Variants in PDLIM5 observed in about 807,000 individuals in gnomAD.
PDLIM5 encodes PDZ and LIM domain 5.
PDLIM5 carries 34 observed loss-of-function variants against 64.2 expected under a neutral mutation model. The ratio of observed to expected loss-of-function variants is 0.53; its 90% CI spans 0.40 to 0.71. The LOEUF (loss-of-function observed/expected upper bound fraction) is 0.71, where lower values mean the gene tolerates loss of function less well. PDLIM5 is among the 30% of genes least tolerant of loss of function. PDLIM5 has a pLI of 0.00. For synonymous variants in PDLIM5, 253 were observed against 269.1 expected (o/e 0.94, Z 0.59); for missense variants, 683 against 733.6 (o/e 0.93, Z 0.80).
At chr4:94,487,004 T>C (rs575284414) in intron 2 of PDLIM5, among the ~76,000 whole-genome samples, 2 of 152,206 alleles carry the variant, frequency 1.3e-5, no homozygotes, top group East Asian at 3.9e-4. Flanking sequence ...CCCTGTCTCT[T>C]AAAAAATTAA....
At chr4:94,565,116 G>A (rs1339084412) in intron 3 of PDLIM5, among the ~76,000 whole-genome samples, 1 of 152,160 alleles carries the variant, frequency 6.6e-6, no homozygotes, top group African/African-American at 2.4e-5. Context: ...AAGTGATGCT[G>A]GGTAAAATAA....
chr4:94,600,648 G>C (rs1205226072), intron 7 of PDLIM5, among the ~76,000 whole-genome samples: 1 of 152,072 alleles, frequency 6.6e-6, no homozygotes, highest in African/African-American at 2.4e-5. Context: ...TTTCTAACTA[G>C]TATAAATCTC....
chr4:94,620,896 T>C (rs60223269), intron 8 of PDLIM5, among the ~76,000 whole-genome samples: 8,110 of 151,468 alleles, frequency 0.054, 736 homozygotes, highest in African/African-American at 0.18. Context: ...GGTAAAACCC[T>C]GTCTCTACTA....
chr4:94,649,913 A>G (rs1176876260), intron 9 of PDLIM5, among the ~76,000 whole-genome samples: 1 of 152,172 alleles, frequency 6.6e-6, no homozygotes, highest in African/African-American at 2.4e-5. Context: ...TTACCTGTGC[A>G]TTTATTTTGG....
rs1157768340 is a variant in PDLIM5, at chr4:94,518,002, A to T, written c.97-5722A>T. Among the ~76,000 whole-genome samples, 3 of 152,284 alleles carry T rather than the reference A, an allele frequency of 2.0e-5. No individual in the cohort carries two copies. In the South Asian group the frequency reaches 6.2e-4, roughly 32 times the overall value. ...CAACTGCTGGCTTATTTCCAAGGAA[A>T]CGCAAATAGAGGTTATTGTGTACAT... On this transcript the variant is annotated intron_variant, in intron 2 of 12. Coordinates refer to ENST00000317968, the MANE Select transcript of PDLIM5 (RefSeq NM_006457.5).
intron 7 of PDLIM5, among the ~76,000 whole-genome samples, chr4:94,612,506 G>C (rs1738453624): frequency 6.6e-6 from 1 of 152,162 alleles, no homozygotes; most frequent in Non-Finnish European, 1.5e-5. Context: ...CCCGGTAAGA[G>C]CTATAGATCC....
chr4:94,586,354 A>G (rs1736195893), intron 6 of PDLIM5, 54 bp from the exon 7 acceptor site: 1 of 972,956 alleles, frequency 1.0e-6, no homozygotes, highest in African/African-American at 1.6e-5. Context: ...TGCTTAAGTG[A>G]TTTTGAAGTT....
At chr4:94,480,847 G>A (rs1725785760) in intron 2 of PDLIM5, among the ~76,000 whole-genome samples, 1 of 152,096 alleles carries the variant, frequency 6.6e-6, no homozygotes, top group Non-Finnish European at 1.5e-5. Context: ...TACAAAAAAG[G>A]TTTACATCCC....
At chr4:94,535,204 G>C (rs1731214545) in intron 3 of PDLIM5, among the ~76,000 whole-genome samples, 2 of 152,130 alleles carry the variant, frequency 1.3e-5, no homozygotes, top group African/African-American at 4.8e-5. Context: ...AGTGAGAACT[G>C]AGCAGTACTT....
intron 2 of PDLIM5, among the ~76,000 whole-genome samples, chr4:94,481,584 A>G (rs943876665): frequency 1.3e-5 from 2 of 149,268 alleles, no homozygotes; most frequent in Non-Finnish European, 3.0e-5. Flanking sequence ...GCCAGCCATT[A>G]TTCCAGTTGT....
intron 10 of PDLIM5, among the ~76,000 whole-genome samples, chr4:94,654,857 T>C (rs912217251): frequency 1.3e-5 from 2 of 152,154 alleles, no homozygotes; most frequent in South Asian, 4.1e-4. Context: ...TCTCACTGAG[T>C]GCTGGCTTGT....
intron 3 of PDLIM5, among the ~76,000 whole-genome samples, chr4:94,572,233 C>T (rs1734865830): frequency 6.6e-6 from 1 of 152,120 alleles, no homozygotes; most frequent in Admixed American, 6.6e-5. Flanking sequence ...GGTGTGTTAT[C>T]CTCCAGCTAG....
At chr4:94,604,042 G>A (rs2110357039) in intron 7 of PDLIM5, among the ~76,000 whole-genome samples, 1 of 152,282 alleles carries the variant, frequency 6.6e-6, no homozygotes, top group Non-Finnish European at 1.5e-5. Context: ...CTGGACATTA[G>A]GTGGTGTTAA....
chr4:94,633,051 T>G (rs1001600776), intron 8 of PDLIM5, among the ~76,000 whole-genome samples: 9 of 152,334 alleles, frequency 5.9e-5, no homozygotes, highest in African/African-American at 2.2e-4. Context: ...TTTCATGATA[T>G]TAAGGAATAT....
At position 94,587,518 on chromosome 4, in the gene PDLIM5, G is replaced by T. The variant is rs1736331778; in HGVS notation, c.920+1074G>T. 4 of 886,988 alleles carry T rather than the reference G, an allele frequency of 4.5e-6. No individual in the cohort carries two copies. In the South Asian group the frequency reaches 1.5e-4, roughly 34 times the overall value. 54.9% of individuals were successfully genotyped at this position (886,988 alleles called of 1,614,324 possible). On this transcript the variant is annotated intron_variant, in intron 7 of 12. Transcript: ENST00000317968. ...GATTACTTTTTAAGTTCATTATTATGTTACATTCAAAGTTGATTGTAAATT... is the reference window on the plus strand; with the variant it reads ...GATTACTTTTTAAGTTCATTATTATTTTACATTCAAAGTTGATTGTAAATT...
At chr4:94,510,786 T>A (rs910115331) in intron 2 of PDLIM5, among the ~76,000 whole-genome samples, 7 of 152,056 alleles carry the variant, frequency 4.6e-5, no homozygotes, top group Admixed American at 1.3e-4. Context: ...GGCAGGCGGA[T>A]CACTTGAGGT....
intron 5 of PDLIM5, chr4:94,585,076 A>C: frequency 1.3e-6 from 1 of 787,906 alleles, no homozygotes; most frequent in Non-Finnish European, 2.1e-6. Context: ...TTTTACTTAT[A>C]ATTTAAAAGG....
intron 2 of PDLIM5, among the ~76,000 whole-genome samples, chr4:94,502,645 G>A (rs1016387434): frequency 1.3e-5 from 2 of 152,182 alleles, no homozygotes; most frequent in Admixed American, 6.5e-5. Flanking sequence ...GGGAAGCCGA[G>A]GTGGGTGGAT....
At chr4:94,540,707 C>G (rs927499801) in intron 3 of PDLIM5, among the ~76,000 whole-genome samples, 5 of 152,142 alleles carry the variant, frequency 3.3e-5, no homozygotes, top group Admixed American at 1.3e-4. Flanking sequence ...TGATCCATGT[C>G]TTATTGTTAT....
Sources: gnomAD v4.1 joint callset for allele counts (sites outside exome capture counted in the v4.1 genomes callset) on GRCh38, gnomAD v4.1.1 for gene constraint, MANE v1.5 for transcripts, NCBI Gene and HGNC (gene_info 2026-07-23, HGNC 2026-07-21) for gene names.